The following GLI2 variants were observed in gnomAD, a reference collection of about 807,000 sequenced individuals.
GLI2 encodes the protein transcription activator GLI2.
A neutral mutation model predicts 78.9 loss-of-function variants in GLI2; 22 were observed. The ratio of observed to expected loss-of-function variants is 0.28; its 90% CI spans 0.20 to 0.40. GLI2 has a LOEUF of 0.40. Ranked by LOEUF, GLI2 falls within the 10% of genes least tolerant of loss-of-function variation. The pLI, the probability that GLI2 is intolerant of heterozygous loss-of-function variation, is 1.00. For synonymous variants in GLI2, 974 were observed against 963.7 expected (o/e 1.01, Z -0.20); for missense variants, 2,097 against 2,213.2 (o/e 0.95, Z 1.05).
At chr2:120,886,348 C>T (rs1488814688) in intron 2 of GLI2, among the ~76,000 whole-genome samples, 2 of 152,138 alleles carry the variant, frequency 1.3e-5, no homozygotes, top group Non-Finnish European at 2.9e-5. Context: ...TCACTGCAGC[C>T]TTGTCCTGCT....
intron 1 of GLI2, among the ~76,000 whole-genome samples, chr2:120,776,116 A>G (rs1313765543): frequency 6.6e-6 from 1 of 152,236 alleles, no homozygotes; most frequent in East Asian, 1.9e-4. Context: ...CACCCCCATC[A>G]GGTGCCTGGG....
chr2:120,826,202 G>T (rs1686051177), intron 2 of GLI2, among the ~76,000 whole-genome samples: 1 of 152,176 alleles, frequency 6.6e-6, no homozygotes, highest in South Asian at 2.1e-4. Flanking sequence ...GAGGAGAGAG[G>T]GAGAGAGGGG....
rs561938598 is a variant in GLI2 at position 120,884,061 on chromosome 2, G to T, written c.149-43300G>T. Among the ~76,000 whole-genome samples the T allele has an allele frequency of 4.6e-5, 7 of 152,322 alleles. No individual in the cohort carries two copies. In the East Asian group the frequency reaches 1.4e-3, roughly 29 times the overall value. On this transcript the variant is annotated intron_variant, in intron 2 of 13. Transcript: ENST00000361492. ...AAGTTAGGGCAGCCCCAGCCCTGGG[G>T]GAGACTTTAGGGGCCAGGGGCAGCT... is the stretch of plus-strand genomic sequence containing the variant.
intron 2 of GLI2, among the ~76,000 whole-genome samples, chr2:120,851,981 G>T (rs919332921): frequency 2.0e-5 from 3 of 152,226 alleles, no homozygotes; most frequent in Non-Finnish European, 4.4e-5. Context: ...CATCTGGTAG[G>T]AGGGGCAGCA....
At position 120,968,701 on chromosome 2, in the gene GLI2, G is replaced by A. The variant is rs1176610641; in HGVS notation, c.644-13G>A. ...CAGTGATGCTGACCTGTCTTGTGTT[G>A]ACTATCCCACAGTGTCCCGTTTCTC... On this transcript the variant is annotated splice_polypyrimidine_tract_variant and intron_variant, in intron 5 of 13. Coordinates refer to ENST00000361492, the MANE Select transcript of GLI2 (RefSeq NM_001374353.1). The A allele has an allele frequency of 6.3e-7, 1 of 1,584,698 alleles. No individual in the cohort carries two copies. The highest frequency in any genetic ancestry group is 1.1e-5 in the South Asian group (1 of 90,524).
At chr2:120,970,088 C>T (rs752681442) in intron 6 of GLI2, among the ~76,000 whole-genome samples, 1 of 152,168 alleles carries the variant, frequency 6.6e-6, no homozygotes, top group Non-Finnish European at 1.5e-5. Context: ...AGACATGCGT[C>T]TAGGTATCAC....
chr2:120,830,116 T>C (rs1686284176), intron 2 of GLI2, among the ~76,000 whole-genome samples: 1 of 152,162 alleles, frequency 6.6e-6, no homozygotes, highest in Non-Finnish European at 1.5e-5. Context: ...GTGGTCTTTC[T>C]AACCGGCCAC....
intron 5 of GLI2, among the ~76,000 whole-genome samples, chr2:120,958,674 C>T (rs1218607934): frequency 6.6e-6 from 1 of 152,186 alleles, no homozygotes; most frequent in African/African-American, 2.4e-5. Context: ...GCACACTGGT[C>T]TTGCCATGCA....
At chr2:120,746,658 C>T (rs1383024271) in intron 1 of GLI2, among the ~76,000 whole-genome samples, 1 of 152,196 alleles carries the variant, frequency 6.6e-6, no homozygotes, top group African/African-American at 2.4e-5. Flanking sequence ...AAACCTCTTT[C>T]TCCTGATGTA....
At chr2:120,831,592 G>A (rs1197206149) in intron 2 of GLI2, among the ~76,000 whole-genome samples, 4 of 152,216 alleles carry the variant, frequency 2.6e-5, no homozygotes, top group East Asian at 1.9e-4. Flanking sequence ...AGTAGATTCC[G>A]TTTTGAGAGC....
chr2:120,926,295 G>C (rs1049619405), intron 2 of GLI2, among the ~76,000 whole-genome samples: 6 of 152,048 alleles, frequency 3.9e-5, no homozygotes, highest in African/African-American at 1.4e-4. Context: ...CCAGCACTTT[G>C]GGAGGCCGAG....
intron 2 of GLI2, among the ~76,000 whole-genome samples, chr2:120,897,679 G>GA (rs59730135): frequency 0.32 from 48,979 of 151,804 alleles, 8,178 homozygotes; most frequent in South Asian, 0.48. Context: ...CTCTATTCTG[G>GA]AAAAAAATAC....
rs1304754884 is a variant in GLI2, at chr2:120,896,236, C to T, written c.149-31125C>T. Among the ~76,000 whole-genome samples, 10 of 152,088 alleles carry T rather than the reference C, an allele frequency of 6.6e-5. 1 individual carries two copies. The South Asian group carries it at 1.9e-3, about 28-fold the overall frequency. On this transcript the variant is annotated intron_variant, in intron 2 of 13. Transcript: ENST00000361492. ...CTTCTTTCCCCCACCCTCTCTCCGC[C>T]CCACCCTGAGGTCAGCCTGAAGGCA...
chr2:120,861,684 A>T (rs72971970), intron 2 of GLI2, among the ~76,000 whole-genome samples: 3 of 152,160 alleles, frequency 2.0e-5, no homozygotes, highest in African/African-American at 7.2e-5. Flanking sequence ...CCCTGGGGGA[A>T]CCGGGGCCTG....
intron 2 of GLI2, among the ~76,000 whole-genome samples, chr2:120,798,675 G>T (rs561703310): frequency 6.9e-6 from 1 of 144,946 alleles, no homozygotes; most frequent in African/African-American, 2.5e-5. Context: ...CTTGGACGGG[G>T]ACTCTCTAGG....
At chr2:120,937,704 A>G (rs1680263829) in intron 3 of GLI2, among the ~76,000 whole-genome samples, 1 of 152,190 alleles carries the variant, frequency 6.6e-6, no homozygotes, top group Non-Finnish European at 1.5e-5. Flanking sequence ...TTTTCAAAGC[A>G]CATACTCATG....
At chr2:120,812,279 G>A (rs1050618265) in intron 2 of GLI2, among the ~76,000 whole-genome samples, 2 of 152,158 alleles carry the variant, frequency 1.3e-5, no homozygotes, top group South Asian at 2.1e-4. Context: ...CACATGTCGC[G>A]GCCCGGTCCC....
intron 2 of GLI2, among the ~76,000 whole-genome samples, chr2:120,908,525 T>G (rs1175629624): frequency 6.6e-6 from 1 of 152,150 alleles, no homozygotes; most frequent in Non-Finnish European, 1.5e-5. Context: ...AAAAGAAGCC[T>G]GGGTCCTGGG....
At chr2:120,940,708 C>G (rs1193653276) in intron 3 of GLI2, among the ~76,000 whole-genome samples, 1 of 152,244 alleles carries the variant, frequency 6.6e-6, no homozygotes, top group Non-Finnish European at 1.5e-5. Context: ...GAGCTCGTAA[C>G]TGGTCTTGGG....
Sources: allele counts gnomAD v4.1 joint callset (sites outside exome capture counted in the v4.1 genomes callset), GRCh38; gene constraint gnomAD v4.1.1; transcripts MANE v1.5; gene names NCBI Gene and HGNC (gene_info 2026-07-23, HGNC 2026-07-21).